TENM2: variants seen among roughly 807,000 people sequenced by gnomAD.
TENM2 encodes the protein teneurin transmembrane protein 2.
TENM2 carries 52 observed loss-of-function variants against 245.2 expected under a neutral mutation model. That is an observed-to-expected ratio of 0.21 (90% CI 0.17 to 0.27). The LOEUF is 0.27. TENM2 is among the 10% of genes least tolerant of loss of function. The pLI, the probability that TENM2 is intolerant of heterozygous loss-of-function variation, is 1.00. For missense variants in TENM2, 3,046 were observed against 3,666.8 expected (o/e 0.83, Z 4.37); for synonymous variants, 1,363 against 1,438.9 (o/e 0.95, Z 1.19).
intron 8 of TENM2, among the ~76,000 whole-genome samples, chr5:168,092,096 A>G (rs1264727109): frequency 1.3e-5 from 2 of 152,206 alleles, no homozygotes; most frequent in African/African-American, 2.4e-5. Context: ...TATTGGTCCC[A>G]TGGATTTTCC....
chr5:168,240,225 A>G (rs1163995399), intron 25 of TENM2, among the ~76,000 whole-genome samples: 1 of 152,190 alleles, frequency 6.6e-6, no homozygotes, highest in Non-Finnish European at 1.5e-5. Flanking sequence ...GTCTCAAACA[A>G]ATAAAAATCA....
the TENM2 span, among the ~76,000 whole-genome samples, chr5:167,189,431 C>G: frequency 6.6e-6 from 1 of 152,140 alleles, no homozygotes; most frequent in Non-Finnish European, 1.5e-5. Flanking sequence ...TGCCAAATCA[C>G]AGCAAAATTA....
intron 2 of TENM2, among the ~76,000 whole-genome samples, chr5:167,515,669 G>GTATATATACACATATATACGTATATA: frequency 2.5e-5 from 2 of 78,828 alleles, no homozygotes; most frequent in Admixed American, 1.2e-4. Context: ...ACGTATATAT[G>GTATATATACACATATATACGTATATA]TGTATATATA....
At chr5:167,255,564 G>T in the TENM2 span, among the ~76,000 whole-genome samples, 3 of 152,092 alleles carry the variant, frequency 2.0e-5, no homozygotes, top group Non-Finnish European at 1.5e-5. Flanking sequence ...TTTTCTAAGG[G>T]TTTTATGCAA....
chr5:168,062,313 A>G (rs1747779197), intron 7 of TENM2, 48 bp downstream of exon 9: 1 of 1,483,404 alleles, frequency 6.7e-7, no homozygotes, highest in Non-Finnish European at 9.4e-7. Flanking sequence ...ATATATACGT[A>G]TATATGTGTG....
chr5:167,723,295 C>T (rs1759762122), intron 2 of TENM2, among the ~76,000 whole-genome samples: 1 of 152,112 alleles, frequency 6.6e-6, no homozygotes, highest in Admixed American at 6.5e-5. Context: ...CCCCTGAGTC[C>T]TCATCTAGTG....
At chr5:167,237,169 T>C in the TENM2 span, among the ~76,000 whole-genome samples, 4 of 152,200 alleles carry the variant, frequency 2.6e-5, no homozygotes, top group African/African-American at 7.2e-5. Flanking sequence ...CGCACCTGTA[T>C]GTCTGTGCCT....
intron 5 of TENM2, among the ~76,000 whole-genome samples, chr5:168,013,603 C>CAACAAAACAA (rs10632619): frequency 0.081 from 12,198 of 149,836 alleles, 838 homozygotes; most frequent in African/African-American, 0.18. Context: ...GACTCTGTCT[C>CAACAAAACAA]AACAAAACAA....
chr5:167,335,203 C>T (rs1416440050), intron 1 of TENM2, among the ~76,000 whole-genome samples: 1 of 152,150 alleles, frequency 6.6e-6, no homozygotes, highest in African/African-American at 2.4e-5. Flanking sequence ...AGGCACTTCA[C>T]ATGGGGAAAG....
intron 2 of TENM2, among the ~76,000 whole-genome samples, chr5:167,852,290 TATC>T (rs1770653788): frequency 1.3e-5 from 2 of 152,230 alleles, no homozygotes; most frequent in South Asian, 4.1e-4. Context: ...GCTATGAAGA[TATC>T]ATTAAGCATA....
chr5:167,565,495 G>A (rs1310490785), intron 2 of TENM2, among the ~76,000 whole-genome samples: 1 of 152,176 alleles, frequency 6.6e-6, no homozygotes, highest in African/African-American at 2.4e-5. Context: ...CTATTAATTG[G>A]TGCCCCAGCA....
intron 25 of TENM2, among the ~76,000 whole-genome samples, chr5:168,240,261 A>G (rs952569045): frequency 6.6e-5 from 10 of 152,188 alleles, no homozygotes; most frequent in African/African-American, 2.4e-4. Context: ...CTATTCCCTG[A>G]GGAGCTGATT....
chr5:167,015,790 A>G, the TENM2 span, among the ~76,000 whole-genome samples: 1 of 152,158 alleles, frequency 6.6e-6, no homozygotes, highest in Admixed American at 6.5e-5. Context: ...TTAGATTTGC[A>G]TAGACTGTCC....
chr5:167,443,305 A>G (rs570503937), intron 2 of TENM2, among the ~76,000 whole-genome samples: 30 of 152,246 alleles, frequency 2.0e-4, no homozygotes, highest in African/African-American at 7.0e-4. Flanking sequence ...CGGGTACCAA[A>G]TCCAGCTTCA....
At chr5:167,607,623 G>A (rs1777149137) in intron 2 of TENM2, among the ~76,000 whole-genome samples, 4 of 152,272 alleles carry the variant, frequency 2.6e-5, no homozygotes, top group East Asian at 1.9e-4. Flanking sequence ...ATACATTGCC[G>A]TGCTGGCACC....
chr5:167,050,363 TGATCCGAGGTG>T, the TENM2 span, among the ~76,000 whole-genome samples: 1 of 152,144 alleles, frequency 6.6e-6, no homozygotes, highest in African/African-American at 2.4e-5. Context: ...TAATGCCTCA[TGATCCGAGGTG>T]GAACAGTTTC....
chr5:167,218,845 A>G, the TENM2 span, among the ~76,000 whole-genome samples: 1 of 152,224 alleles, frequency 6.6e-6, no homozygotes, highest in East Asian at 1.9e-4. Context: ...GAACTTCTTC[A>G]ATACTCATTG....
intron 2 of TENM2, among the ~76,000 whole-genome samples, chr5:167,847,831 A>G (rs1770190059): frequency 6.6e-6 from 1 of 152,202 alleles, no homozygotes; most frequent in South Asian, 2.1e-4. Context: ...CAGAGATTAT[A>G]CTGATATAAA....
chr5:168,108,382 G>T (rs2152307733), intron 9 of TENM2, among the ~76,000 whole-genome samples: 1 of 152,246 alleles, frequency 6.6e-6, no homozygotes, highest in South Asian at 2.1e-4. Flanking sequence ...ACCCATTTTA[G>T]AAAATTACTT....
Sources: gnomAD v4.1 joint callset for allele counts (sites outside exome capture counted in the v4.1 genomes callset) on GRCh38, gnomAD v4.1.1 for gene constraint, MANE v1.5 for transcripts, NCBI Gene and HGNC (gene_info 2026-07-23, HGNC 2026-07-21) for gene names.